LINGO1: variants seen among roughly 807,000 people sequenced by gnomAD.
LINGO1 encodes leucine-rich repeat and immunoglobulin-like domain-containing nogo receptor-interacting protein 1.
In LINGO1, 11 loss-of-function variants were observed where a neutral mutation model predicts 37.3. The ratio of observed to expected loss-of-function variants is 0.29; its 90% CI spans 0.19 to 0.49. The LOEUF (loss-of-function observed/expected upper bound fraction) is 0.49, where lower values mean the gene tolerates loss of function less well. LINGO1 is among the 20% of genes least tolerant of loss of function. The pLI is 0.99. For missense variants in LINGO1, 585 were observed against 878.2 expected (o/e 0.67, Z 4.22); for synonymous variants, 387 against 403.0 (o/e 0.96, Z 0.48).
chr15:77,664,129 C>CTGTGTGTG (rs2075059930), intron 3 of LINGO1, among the ~76,000 whole-genome samples: 1 of 91,246 alleles, frequency 1.1e-5, no homozygotes, highest in Non-Finnish European at 2.3e-5. Context: ...CACACAGGAG[C>CTGTGTGTG]AGTGTGTGTG....
In LINGO1 at chr15:77,664,162, T is replaced by TGCGC. The variant is rs1245826540; in HGVS notation, c.-13+12926_-13+12927insGCGC. Reference sequence around the variant, plus strand: ...GTGTGTGTGTGTGTGTGTGTGTGTGTGTGTGTGTGCGCGCGCGCATGCGTT... The same window carrying TGCGC: ...GTGTGTGTGTGTGTGTGTGTGTGTGTGCGCGTGTGTGTGCGCGCGCGCATGCGTT... On this transcript the variant is annotated intron_variant, in intron 3 of 3. Transcript: ENST00000559893. 1.0e-3 allele frequency among the ~76,000 whole-genome samples: 118 copies of TGCGC among 113,134 alleles called. 1 individual carries two copies. The highest frequency in any genetic ancestry group is 4.5e-3 in the African/African-American group (115 of 25,816). The allele number at this position is 113,134 out of a possible 152,430, so 74.2% of individuals were successfully genotyped here.
At chr15:77,664,170 T>TGTGTGTGTGTGTGTGTGTGCGC in intron 3 of LINGO1, among the ~76,000 whole-genome samples, 2 of 130,944 alleles carry the variant, frequency 1.5e-5, no homozygotes, top group African/African-American at 3.7e-5. Flanking sequence ...TGTGTGTGTG[T>TGTGTGTGTGTGTGTGTGTGCGC]GCGCGCGCGC....
chr15:77,799,895 C>T (rs1478644846), intron 1 of LINGO1, among the ~76,000 whole-genome samples: 1 of 152,136 alleles, frequency 6.6e-6, no homozygotes, highest in East Asian at 1.9e-4. Flanking sequence ...TGTGTGTGTG[C>T]CATGCCTCCC....
rs1045271317 is a variant in LINGO1, at chr15:77,772,248, G to A, written c.-257+14621C>T. On this transcript the variant is annotated intron_variant, in intron 1 of 3. Transcript: ENST00000561686. ...GGTGGATGGTCTCCCACCAGGGTCA[G>A]GCAGTGAGATGAAGTGCTAAGAGTA... Among the ~76,000 whole-genome samples the A allele has an allele frequency of 9.9e-5, 15 of 152,228 alleles. 1 individual carries two copies. The highest frequency in any genetic ancestry group is 3.6e-4 in the African/African-American group (15 of 41,464).
intron 2 of LINGO1, among the ~76,000 whole-genome samples, chr15:77,702,849 G>A (rs529309212): frequency 1.3e-5 from 2 of 152,332 alleles, no homozygotes; most frequent in South Asian, 2.1e-4. Context: ...ATACAGCACT[G>A]AGACTTCAAC....
chr15:77,688,668 C>T (rs908461053), intron 2 of LINGO1, among the ~76,000 whole-genome samples: 7 of 152,182 alleles, frequency 4.6e-5, no homozygotes, highest in South Asian at 2.1e-4. Context: ...TTTCCCGCCA[C>T]GGTTGGTTAT....
intron 1 of LINGO1, among the ~76,000 whole-genome samples, chr15:77,796,282 G>C (rs931394658): frequency 3.3e-5 from 5 of 152,168 alleles, no homozygotes; most frequent in Non-Finnish European, 5.9e-5. Flanking sequence ...GTTGTCAATT[G>C]TGCATGCCCA....
upstream of LINGO1, among the ~76,000 whole-genome samples, chr15:77,789,464 G>C (rs146364997): frequency 6.6e-6 from 1 of 152,098 alleles, no homozygotes; most frequent in East Asian, 1.9e-4. Context: ...AAAATTAGCC[G>C]GGTGTGGTGG....
At chr15:77,634,161 T>C, upstream of LINGO1, 1 of 435,994 alleles carries the variant, frequency 2.3e-6, no homozygotes, top group Non-Finnish European at 4.7e-6. Context: ...CCAGGAAGCC[T>C]GCGCAACATC....
chr15:77,722,008 T>TG (rs1006826796), intron 2 of LINGO1, among the ~76,000 whole-genome samples: 7 of 152,264 alleles, frequency 4.6e-5, no homozygotes, highest in African/African-American at 1.7e-4. Context: ...GGCTGCCTGG[T>TG]GGGGGGTGAG....
chr15:77,740,490 C>A (rs1233686672), intron 1 of LINGO1, among the ~76,000 whole-genome samples: 1 of 152,212 alleles, frequency 6.6e-6, no homozygotes, highest in African/African-American at 2.4e-5. Flanking sequence ...CCACCCAGCA[C>A]AGACCACGCT....
intron 1 of LINGO1, among the ~76,000 whole-genome samples, chr15:77,625,409 T>C (rs2074057881): frequency 1.3e-5 from 2 of 152,168 alleles, no homozygotes; most frequent in African/African-American, 4.8e-5. Flanking sequence ...ATTTTGCAGA[T>C]GGAAGAAGCA....
chr15:77,682,715 ATCC>A (rs778378037), intron 2 of LINGO1, among the ~76,000 whole-genome samples: 11 of 151,758 alleles, frequency 7.2e-5, no homozygotes, highest in Non-Finnish European at 1.0e-4. Context: ...GCTGCTTCCT[ATCC>A]TCCTGCCTGC....
chr15:77,733,868 G>C (rs373675115), intron 2 of LINGO1, among the ~76,000 whole-genome samples: 3 of 152,162 alleles, frequency 2.0e-5, no homozygotes, highest in East Asian at 1.9e-4. Flanking sequence ...GCACTTCTCC[G>C]ATCCCCAGAG....
chr15:77,733,665 T>C (rs2076175190), intron 2 of LINGO1, among the ~76,000 whole-genome samples: 2 of 152,228 alleles, frequency 1.3e-5, no homozygotes, highest in African/African-American at 2.4e-5. Flanking sequence ...CTAAGATTAA[T>C]GAGCTAATTA....
At chr15:77,650,820 G>A (rs1037480241) in intron 3 of LINGO1, among the ~76,000 whole-genome samples, 4 of 152,120 alleles carry the variant, frequency 2.6e-5, no homozygotes, top group Non-Finnish European at 5.9e-5. Context: ...CACAGGTGAT[G>A]GGATAAGGAC....
At chr15:77,706,786 A>T (rs535016418) in intron 2 of LINGO1, among the ~76,000 whole-genome samples, 1 of 152,352 alleles carries the variant, frequency 6.6e-6, no homozygotes, top group East Asian at 1.9e-4. Flanking sequence ...CTGTATGCCT[A>T]GCCCCTAGCA....
At chr15:77,654,594 C>T (rs571113515) in intron 3 of LINGO1, among the ~76,000 whole-genome samples, 61 of 152,062 alleles carry the variant, frequency 4.0e-4, no homozygotes, top group African/African-American at 1.4e-3. Flanking sequence ...CTGTGGCCCA[C>T]CGGAGATGCT....
chr15:77,695,630 G>C (rs1008172439), intron 1 of LINGO1, among the ~76,000 whole-genome samples: 1 of 152,224 alleles, frequency 6.6e-6, no homozygotes, highest in Non-Finnish European at 1.5e-5. Context: ...CTGGGGCAGG[G>C]AAATGGGTTG....
Sources: gnomAD v4.1 joint callset for allele counts (sites outside exome capture counted in the v4.1 genomes callset) on GRCh38, gnomAD v4.1.1 for gene constraint, MANE v1.5 for transcripts, NCBI Gene and HGNC (gene_info 2026-07-23, HGNC 2026-07-21) for gene names.